The following NELL1 variants were observed in gnomAD, a reference collection of about 807,000 sequenced individuals.
NELL1 encodes neural EGFL like 1.
In NELL1, 76 loss-of-function variants were observed where a neutral mutation model predicts 107.4. That is an observed-to-expected ratio of 0.71 (90% CI 0.59 to 0.86). The LOEUF is 0.86. Ranked by LOEUF, NELL1 falls within the 40% of genes least tolerant of loss-of-function variation. The pLI, the probability that NELL1 is intolerant of heterozygous loss-of-function variation, is 0.00. For synonymous variants in NELL1, 353 were observed against 341.2 expected (o/e 1.03, Z -0.38); for missense variants, 1,024 against 1,005.5 (o/e 1.02, Z -0.25).
chr11:21,125,954 A>C (rs1855477779), intron 13 of NELL1, among the ~76,000 whole-genome samples: 1 of 152,224 alleles, frequency 6.6e-6, no homozygotes, highest in Non-Finnish European at 1.5e-5. Context: ...TCCTTCTAGA[A>C]TCTTACAAGG....
chr11:21,199,251 C>T (rs1030129517), intron 13 of NELL1, among the ~76,000 whole-genome samples: 6 of 152,122 alleles, frequency 3.9e-5, no homozygotes, highest in African/African-American at 1.4e-4. Context: ...CCATTGGGCT[C>T]CTAGCCAACT....
intron 5 of NELL1, among the ~76,000 whole-genome samples, chr11:20,887,443 C>T (rs565457180): frequency 6.6e-6 from 1 of 152,304 alleles, no homozygotes; most frequent in East Asian, 1.9e-4. Context: ...GCAGCTGTGC[C>T]AGTTTTTGCA....
At chr11:21,362,552 G>A (rs1346387384) in intron 14 of NELL1, among the ~76,000 whole-genome samples, 1 of 152,118 alleles carries the variant, frequency 6.6e-6, no homozygotes, top group Non-Finnish European at 1.5e-5. Flanking sequence ...GGAATTAGGT[G>A]TCGTCTTCTT....
intron 14 of NELL1, among the ~76,000 whole-genome samples, chr11:21,293,780 A>G (rs948334018): frequency 3.2e-4 from 48 of 152,110 alleles, no homozygotes; most frequent in Non-Finnish European, 6.6e-4. Flanking sequence ...GTCCTTTGCC[A>G]GGACATGCAT....
At chr11:20,718,239 A>G (rs1183379940) in intron 2 of NELL1, among the ~76,000 whole-genome samples, 2 of 152,196 alleles carry the variant, frequency 1.3e-5, no homozygotes, top group Admixed American at 1.3e-4. Context: ...GTCACAAGCC[A>G]CACGTGGCTA....
At chr11:21,471,893 G>T (rs1294834368) in intron 15 of NELL1, among the ~76,000 whole-genome samples, 2 of 151,952 alleles carry the variant, frequency 1.3e-5, no homozygotes, top group African/African-American at 4.8e-5. Flanking sequence ...TGTACAGAAA[G>T]CTGCAACTGA....
intron 14 of NELL1, among the ~76,000 whole-genome samples, chr11:21,263,360 C>T (rs1031706193): frequency 1.4e-4 from 21 of 152,026 alleles, no homozygotes; most frequent in African/African-American, 4.6e-4. Context: ...TGTGGGGTAA[C>T]GGCGAGCCAT....
intron 2 of NELL1, among the ~76,000 whole-genome samples, chr11:20,761,916 C>T (rs754565776): frequency 9.9e-5 from 15 of 152,104 alleles, no homozygotes; most frequent in African/African-American, 1.9e-4. Flanking sequence ...GAAAGACATA[C>T]GAGAGTCTGA....
chr11:21,413,914 G>A (rs1852439786), intron 15 of NELL1, among the ~76,000 whole-genome samples: 1 of 152,004 alleles, frequency 6.6e-6, no homozygotes, highest in Non-Finnish European at 1.5e-5. Flanking sequence ...CAACATTCTG[G>A]TTTATATTCC....
chr11:21,533,594 A>G (rs1856050456), intron 15 of NELL1, among the ~76,000 whole-genome samples: 1 of 152,210 alleles, frequency 6.6e-6, no homozygotes, highest in Non-Finnish European at 1.5e-5. Context: ...TAGAAAATCT[A>G]TACATGAACC....
At chr11:21,268,830 T>C (rs1417166186) in intron 14 of NELL1, among the ~76,000 whole-genome samples, 1 of 152,084 alleles carries the variant, frequency 6.6e-6, no homozygotes. Context: ...GACTCAGATG[T>C]GGCAGGAATA....
intron 14 of NELL1, among the ~76,000 whole-genome samples, chr11:21,257,651 A>G (rs1858803478): frequency 6.6e-6 from 1 of 151,998 alleles, no homozygotes; most frequent in Non-Finnish European, 1.5e-5. Flanking sequence ...ATGTTTCCCC[A>G]TGGCCAGTAT....
intron 2 of NELL1, among the ~76,000 whole-genome samples, chr11:20,746,063 G>A (rs1239392703): frequency 3.3e-5 from 5 of 152,120 alleles, no homozygotes; most frequent in Non-Finnish European, 2.9e-5. Flanking sequence ...TTAAAAGGGG[G>A]GAAACTGAGA....
rs186791443 is a variant in NELL1, at chr11:21,290,766, A to G, written c.1549+61312A>G. Among the ~76,000 whole-genome samples the G allele has an allele frequency of 3.2e-4, 49 of 152,340 alleles. No individual in the cohort carries two copies. In the East Asian group the frequency reaches 7.7e-3, roughly 24 times the overall value. ...GCTGCAGAGGGGCCTGACTGTTACA[A>G]GGAAAACTAACAGAAAGGAATAGCA... On this transcript the variant is annotated intron_variant, in intron 14 of 19. Transcript: ENST00000357134.
intron 13 of NELL1, among the ~76,000 whole-genome samples, chr11:21,130,879 G>A (rs1465970895): frequency 6.6e-6 from 1 of 151,650 alleles, no homozygotes; most frequent in Non-Finnish European, 1.5e-5. Context: ...ACCTAATGGT[G>A]TCATCTTGTC....
At chr11:21,343,409 C>G (rs1341663716) in intron 14 of NELL1, among the ~76,000 whole-genome samples, 1 of 152,140 alleles carries the variant, frequency 6.6e-6, no homozygotes, top group Non-Finnish European at 1.5e-5. Flanking sequence ...CTACTCTGCT[C>G]AATCTCTTAG....
intron 15 of NELL1, among the ~76,000 whole-genome samples, chr11:21,526,888 G>T (rs565139559): frequency 3.9e-5 from 6 of 152,192 alleles, no homozygotes; most frequent in Non-Finnish European, 7.3e-5. Context: ...GGGAGGAGCT[G>T]CTGGGAAGGT....
chr11:20,883,482 TCTAA>T, intron 4 of NELL1, among the ~76,000 whole-genome samples: 1 of 152,320 alleles, frequency 6.6e-6, no homozygotes, highest in Middle Eastern at 3.4e-3. Context: ...CGAAAGCTCG[TCTAA>T]CTGTGACAGA....
At chr11:20,785,287 T>A (rs1856931710) in intron 3 of NELL1, among the ~76,000 whole-genome samples, 1 of 152,190 alleles carries the variant, frequency 6.6e-6, no homozygotes, top group African/African-American at 2.4e-5. Context: ...ACCCTGATCA[T>A]TTTGTGGGGG....
Sources: allele counts gnomAD v4.1 joint callset (sites outside exome capture counted in the v4.1 genomes callset), GRCh38; gene constraint gnomAD v4.1.1; transcripts MANE v1.5; gene names NCBI Gene and HGNC (gene_info 2026-07-23, HGNC 2026-07-21).